KANK1: variants seen among roughly 807,000 people sequenced by gnomAD.
KANK1 encodes KN motif and ankyrin repeat domains 1.
A neutral mutation model predicts 106.2 loss-of-function variants in KANK1; 109 were observed. The observed-to-expected ratio is 1.03, with a 90% CI of 0.88 to 1.20. KANK1 has a LOEUF of 1.20. KANK1 is among the 50% of genes most tolerant of loss of function. The pLI, the probability that KANK1 is intolerant of heterozygous loss-of-function variation, is 0.00. For synonymous variants in KANK1, 873 were observed against 652.2 expected (o/e 1.34, Z -5.16); for missense variants, 2,399 against 1,710.7 (o/e 1.40, Z -7.10).
chr9:604,581 C>T (rs538570740), intron 1 of KANK1, among the ~76,000 whole-genome samples: 2 of 151,922 alleles, frequency 1.3e-5, no homozygotes, highest in African/African-American at 4.8e-5. Flanking sequence ...CCTGTAATCC[C>T]AGCACTTTGA....
rs1213699273 is a variant in KANK1 at position 731,283 on chromosome 9, G to C, written c.3005+17G>C. On this transcript the variant is annotated intron_variant, in intron 5 of 11. Coordinates refer to ENST00000382297, the MANE Select transcript of KANK1 (RefSeq NM_015158.5). ...TAATGGAGGGTAAGGAAAGATGGTG[G>C]TTCTAGAGGCTAATGCTGTCAGTCT... The C allele has an allele frequency of 6.9e-7, 1 of 1,449,298 alleles. No individual in the cohort carries two copies. The highest frequency in any genetic ancestry group is 1.2e-5 in the South Asian group (1 of 86,556). 89.8% of individuals were successfully genotyped at this position (1,449,298 alleles called of 1,614,324 possible).
At chr9:593,753 C>G (rs1388069738) in intron 1 of KANK1, among the ~76,000 whole-genome samples, 1 of 151,746 alleles carries the variant, frequency 6.6e-6, no homozygotes, top group Non-Finnish European at 1.5e-5. Flanking sequence ...ATGGAGACTC[C>G]AAAGGGACAG....
At chr9:722,743 T>G (rs1371304025) in intron 3 of KANK1, among the ~76,000 whole-genome samples, 1 of 152,222 alleles carries the variant, frequency 6.6e-6, no homozygotes. Context: ...GTTCTTTTCC[T>G]TACCAGTTAA....
intron 1 of KANK1, among the ~76,000 whole-genome samples, chr9:538,171 T>C (rs2060401896): frequency 7.3e-6 from 1 of 136,862 alleles, no homozygotes; most frequent in South Asian, 2.2e-4. Flanking sequence ...CCCTTCTTTC[T>C]CGTCTGTAAA....
intron 1 of KANK1, among the ~76,000 whole-genome samples, chr9:542,046 G>A (rs1398048153): frequency 6.6e-6 from 1 of 151,000 alleles, no homozygotes; most frequent in African/African-American, 2.4e-5. Flanking sequence ...CCGAGATCGC[G>A]CCACTGCACT....
chr9:580,782 C>G (rs1296491750), intron 1 of KANK1, among the ~76,000 whole-genome samples: 3 of 152,232 alleles, frequency 2.0e-5, no homozygotes, highest in East Asian at 3.9e-4. Context: ...ACTCCTGAGC[C>G]CTTGGGTAGT....
chr9:508,858 C>A (rs750844465), intron 1 of KANK1, among the ~76,000 whole-genome samples: 1 of 152,122 alleles, frequency 6.6e-6, no homozygotes, highest in Non-Finnish European at 1.5e-5. Flanking sequence ...CATTCTAATT[C>A]TAGTACACGT....
At chr9:717,083 G>A (rs1827914383) in intron 3 of KANK1, among the ~76,000 whole-genome samples, 1 of 152,002 alleles carries the variant, frequency 6.6e-6, no homozygotes, top group Non-Finnish European at 1.5e-5. Flanking sequence ...CCAGGAGTTC[G>A]AGACCATCCT....
chr9:664,036 G>A (rs923578382), intron 1 of KANK1, among the ~76,000 whole-genome samples: 22 of 152,162 alleles, frequency 1.4e-4, no homozygotes, highest in Non-Finnish European at 2.2e-4. Context: ...TTGTGGGAGG[G>A]ACTCGATGGG....
chr9:523,135 C>G (rs1158241258), intron 1 of KANK1, among the ~76,000 whole-genome samples: 1 of 151,500 alleles, frequency 6.6e-6, no homozygotes, highest in Admixed American at 6.6e-5. Context: ...TCTCCAGTTC[C>G]ACTCTGTAAG....
intron 6 of KANK1, 143 bp downstream of exon 6, chr9:732,760 TATA>T: frequency 1.2e-6 from 1 of 863,884 alleles, no homozygotes. Flanking sequence ...GATACTAATA[TATA>T]CAAGTGCAGA....
At chr9:629,031 A>T (rs1193329077) in intron 1 of KANK1, among the ~76,000 whole-genome samples, 1 of 150,000 alleles carries the variant, frequency 6.7e-6, no homozygotes, top group Non-Finnish European at 1.5e-5. Context: ...GTGAGCCAAG[A>T]TCATGCCACC....
chr9:640,055 C>T (rs959057382), intron 1 of KANK1, among the ~76,000 whole-genome samples: 1 of 152,118 alleles, frequency 6.6e-6, no homozygotes, highest in Non-Finnish European at 1.5e-5. Context: ...CCATAGCAGT[C>T]TCTCAGACCT....
At chr9:743,339 T>G (rs1053431411) in intron 10 of KANK1, among the ~76,000 whole-genome samples, 2 of 152,214 alleles carry the variant, frequency 1.3e-5, no homozygotes, top group Non-Finnish European at 2.9e-5. Context: ...CTCAGCCATC[T>G]CCACAGGAGC....
At chr9:552,087 G>A (rs989858640) in intron 1 of KANK1, among the ~76,000 whole-genome samples, 3 of 152,048 alleles carry the variant, frequency 2.0e-5, no homozygotes, top group Non-Finnish European at 4.4e-5. Context: ...GTAACAGTAG[G>A]ATCTAATCTA....
intron 2 of KANK1, among the ~76,000 whole-genome samples, chr9:703,494 G>T (rs761726635): frequency 6.6e-6 from 1 of 152,104 alleles, no homozygotes. Flanking sequence ...GCCAGGAGCA[G>T]TCTCCACCAC....
At chr9:710,647 A>AAC (rs1825768150) in intron 2 of KANK1, among the ~76,000 whole-genome samples, 157 bp from the exon 3 acceptor site, 2 of 148,298 alleles carry the variant, frequency 1.3e-5, no homozygotes, top group South Asian at 4.2e-4. Context: ...AAACAAAAAA[A>AAC]ACTTGCTTAC....
At chr9:667,734 G>GTT (rs556839095) in intron 1 of KANK1, among the ~76,000 whole-genome samples, 34 of 67,442 alleles carry the variant, frequency 5.0e-4, no homozygotes, top group Admixed American at 9.3e-4. Flanking sequence ...ATTTCCAAAG[G>GTT]TTTTTTTGTT....
chr9:474,589 C>T (rs982724368), intron 3 of KANK1, among the ~76,000 whole-genome samples: 5 of 152,230 alleles, frequency 3.3e-5, no homozygotes, highest in East Asian at 1.9e-4. Flanking sequence ...TTCCCTGTGT[C>T]GTTTCTCTAA....
Sources: gnomAD v4.1 joint callset for allele counts (sites outside exome capture counted in the v4.1 genomes callset) on GRCh38, gnomAD v4.1.1 for gene constraint, MANE v1.5 for transcripts, NCBI Gene and HGNC (gene_info 2026-07-23, HGNC 2026-07-21) for gene names.